LEMD3: variants seen among roughly 807,000 people sequenced by gnomAD.
LEMD3 encodes LEM domain containing 3.
LEMD3 carries 33 observed loss-of-function variants against 95.2 expected under a neutral mutation model. The observed-to-expected ratio is 0.35, with a 90% CI of 0.26 to 0.46. The LOEUF (loss-of-function observed/expected upper bound fraction) is 0.46. LEMD3 is among the 20% of genes least tolerant of loss of function. The probability of loss-of-function intolerance (pLI) is 1.00; values close to 1 mark genes in which losing one functional copy is unlikely to be tolerated. For missense variants in LEMD3, 1,210 were observed against 1,192.8 expected (o/e 1.01, Z -0.21); for synonymous variants, 525 against 474.6 (o/e 1.11, Z -1.38).
In LEMD3 at chr12:65,181,695, A is replaced by G. The variant is rs146204014; in HGVS notation, c.1522+10577A>G. Among the ~76,000 whole-genome samples, 147 of 152,216 alleles carry G rather than the reference A, an allele frequency of 9.7e-4. 1 individual carries two copies. The highest frequency in any genetic ancestry group is 3.3e-3 in the African/African-American group (137 of 41,546). ...CCTTTTCTGTATTACCATTTTCTCA[A>G]TTGGGAATTCTACCTTTAAAAACCA... is the stretch of plus-strand genomic sequence containing the variant. On this transcript the variant is annotated intron_variant, in intron 1 of 12. Transcript: ENST00000308330.
chr12:65,198,305 A>C (rs6581617), intron 1 of LEMD3, among the ~76,000 whole-genome samples: 67,999 of 152,054 alleles, frequency 0.45, 18,241 homozygotes, highest in Middle Eastern at 0.63. Flanking sequence ...CAAGTTAGCT[A>C]TTGCACAGAT....
intron 1 of LEMD3, among the ~76,000 whole-genome samples, chr12:65,191,840 G>A (rs757359418): frequency 6.8e-6 from 1 of 147,440 alleles, no homozygotes; most frequent in Non-Finnish European, 1.5e-5. Flanking sequence ...CAGGAAAATC[G>A]CTCGAACCTG....
rs531792416 is a variant in LEMD3 at position 65,169,759 on chromosome 12, C to G, written c.163C>G (p.Arg55Gly). 95 of 1,588,132 alleles carry G rather than the reference C, an allele frequency of 6.0e-5. No individual in the cohort carries two copies. The East Asian group carries it at 1.7e-3, about 29-fold the overall frequency. Residue 55 changes from arginine to glycine, a missense_variant, in exon 1 of 13, where the codon CGG becomes GGG. Around this residue, in one of 2 missense-constraint regions of LEMD3, gnomAD observed 749 missense variants for 622.9 expected, o/e 1.20. Coordinates refer to ENST00000308330, the MANE Select transcript of LEMD3 (RefSeq NM_014319.5). Reference sequence around the variant, plus strand: ...TCGAGAGGAAGAGCAGCAACAGCACCGGTCAGGGGGCCGCGGCAACAAGAC... The same window carrying G: ...TCGAGAGGAAGAGCAGCAACAGCACGGGTCAGGGGGCCGCGGCAACAAGAC... Reference protein sequence around the residue: ...KLREEEQQQHRSGGRGNKTRN... With the variant: ...KLREEEQQQHGSGGRGNKTRN...
chr12:65,213,686 T>G (rs1011672541), intron 2 of LEMD3, among the ~76,000 whole-genome samples: 1 of 152,206 alleles, frequency 6.6e-6, no homozygotes, highest in East Asian at 1.9e-4. Context: ...TCTAGTCCAA[T>G]GTTTAGTATC....
intron 1 of LEMD3, among the ~76,000 whole-genome samples, chr12:65,192,325 T>C (rs1464177508): frequency 6.6e-6 from 1 of 152,166 alleles, no homozygotes; most frequent in East Asian, 1.9e-4. Context: ...TCACGGTTGC[T>C]TTTCTACATG....
Position 65,202,633 on chromosome 12 carries a change from G to T in LEMD3, c.1523-8293G>T, listed in dbSNP as rs80237930. Among the ~76,000 whole-genome samples the T allele has an allele frequency of 1.1e-3, 163 of 152,248 alleles. 1 individual carries two copies. In the East Asian group the frequency reaches 0.018, roughly 17 times the overall value. On this transcript the variant is annotated intron_variant, in intron 1 of 12. Coordinates refer to ENST00000308330, the MANE Select transcript of LEMD3 (RefSeq NM_014319.5). ...TCTCTCTCCTGAAAGATATTGTAGA[G>T]AATTGGTATAAGTTTTTCTTTAAAT...
chr12:65,220,454 A>AT (rs1329864279), intron 4 of LEMD3, among the ~76,000 whole-genome samples: 1 of 151,926 alleles, frequency 6.6e-6, no homozygotes, highest in African/African-American at 2.4e-5. Context: ...TTTCTTATGC[A>AT]TTTTGCATAT....
chr12:65,179,021 A>AG (rs1326295450), intron 1 of LEMD3, among the ~76,000 whole-genome samples: 2 of 152,082 alleles, frequency 1.3e-5, no homozygotes, highest in Middle Eastern at 3.2e-3. Context: ...ATTAAGGGGG[A>AG]GGGGGCATCT....
rs1871152035 is a variant in LEMD3 at position 65,247,504 on chromosome 12, A to G, written c.*1179A>G. ...ACGATTGACTGTTGCTTTGTGCCTC[A>G]GTATTTAATTTGTTTCAGTAAACTT... is the stretch of plus-strand genomic sequence containing the variant. On this transcript the variant is annotated 3_prime_UTR_variant, in exon 13 of 13. Coordinates refer to ENST00000308330, the MANE Select transcript of LEMD3 (RefSeq NM_014319.5). 1 of 152,266 alleles carries G rather than the reference A, an allele frequency of 6.6e-6. No individual in the cohort carries two copies. Among genetic ancestry groups the G allele is most frequent in the African/African-American group, 2.4e-5 (1 of 41,450 alleles). The allele number at this position is 152,266 out of a possible 1,614,324, so 9.4% of individuals were successfully genotyped here.
chr12:65,174,665 T>G (rs1233065842), intron 1 of LEMD3, among the ~76,000 whole-genome samples: 1 of 152,188 alleles, frequency 6.6e-6, no homozygotes, highest in Non-Finnish European at 1.5e-5. Flanking sequence ...TGTGTATGTG[T>G]GTGTGTACAG....
At chr12:65,192,265 T>C (rs962436909) in intron 1 of LEMD3, among the ~76,000 whole-genome samples, 1 of 152,224 alleles carries the variant, frequency 6.6e-6, no homozygotes, top group South Asian at 2.1e-4. Context: ...CTTTTAAATA[T>C]AAAATTCATT....
intron 1 of LEMD3, among the ~76,000 whole-genome samples, chr12:65,174,982 C>G (rs929016959): frequency 6.6e-6 from 1 of 152,122 alleles, no homozygotes; most frequent in African/African-American, 2.4e-5. Flanking sequence ...AGCCTTTGAT[C>G]AGGAGAAGAG....
At chr12:65,231,879 G>A (rs1454373303) in intron 4 of LEMD3, among the ~76,000 whole-genome samples, 2 of 151,456 alleles carry the variant, frequency 1.3e-5, no homozygotes, top group Non-Finnish European at 2.9e-5. Context: ...TCTTTCCCTT[G>A]AAATTATTGT....
In LEMD3 at chr12:65,169,862, T is replaced by C; in HGVS notation, c.266T>C (p.Met89Thr). ...AGPAAAAAAG[M>T]GVRPVSGDLS... ...CCAGCGGCGGCGGCGGCCGCGGGGA[T>C]GGGGGTCCGGCCGGTCTCGGGCGAC... Residue 89 changes from methionine (M) to threonine (T), a missense_variant, in exon 1 of 13, where the codon ATG (methionine) becomes ACG (threonine). Around this residue, in one of 2 missense-constraint regions of LEMD3, gnomAD observed 749 missense variants for 622.9 expected, o/e 1.20. Coordinates refer to ENST00000308330, the MANE Select transcript of LEMD3 (RefSeq NM_014319.5). The C allele has an allele frequency of 3.4e-6, 5 of 1,454,506 alleles. No individual in the cohort carries two copies. The highest frequency in any genetic ancestry group is 9.1e-7 in the Non-Finnish European group (1 of 1,101,784). 90.1% of individuals were successfully genotyped at this position (1,454,506 alleles called of 1,614,324 possible).
At position 65,170,231 on chromosome 12, in the gene LEMD3, G is replaced by C. The variant is rs1258446317; in HGVS notation, c.635G>C (p.Gly212Ala). 2.0e-6 allele frequency: 3 copies of C among 1,520,118 alleles called. No individual in the cohort carries two copies. Among genetic ancestry groups the C allele is most frequent in the Middle Eastern group, 1.7e-4 (1 of 5,774 alleles). 94.2% of individuals were successfully genotyped at this position (1,520,118 alleles called of 1,614,324 possible). A position where few individuals can be genotyped will look rare whatever the true frequency, so the allele number is the denominator to read the frequency against. The change falls in exon 1 of 13, where the codon GGG (glycine) becomes GCG (alanine). Residue 212 changes from glycine (G) to alanine (A), a missense_variant. Transcript: ENST00000308330. ...PAGPELQTPP[G>A]KDGAVEDEEG... ...GGCCCCGAGCTGCAGACCCCGCCGG[G>C]GAAAGATGGAGCAGTGGAGGACGAG...
chr12:65,218,648 C>T, intron 4 of LEMD3, 29 bp downstream of exon 4: 1 of 1,330,500 alleles, frequency 7.5e-7, no homozygotes, highest in Non-Finnish European at 1.1e-6. Flanking sequence ...ATTTTAATAG[C>T]TATATTTTAA....
chr12:65,170,744 C>G lies in LEMD3; in HGVS notation c.1148C>G (p.Thr383Arg). The change falls in exon 1 of 13, where the codon ACA becomes AGA. Residue 383 changes from threonine (T) to arginine (R), a missense_variant. By Grantham distance (71) the Thr-to-Arg change is moderately conservative. Around this residue, in one of 2 missense-constraint regions of LEMD3, gnomAD observed 749 missense variants for 622.9 expected, o/e 1.20. Transcript: ENST00000308330. ...ATGGACTCAACCTTGGATTCGTCAA[C>G]AGGCTCCCTTCTGAAAACCAATAAT... is the stretch of plus-strand genomic sequence containing the variant. ...TDMDSTLDSS[T>R]GSLLKTNNHI... 6.2e-7 allele frequency: 1 copy of G among 1,614,240 alleles called. No individual in the cohort carries two copies.
In LEMD3 at chr12:65,197,713, A is replaced by G. The variant is rs367998153; in HGVS notation, c.1523-13213A>G. 8.7e-4 allele frequency among the ~76,000 whole-genome samples: 133 copies of G among 152,144 alleles called. 1 individual carries two copies. The South Asian group carries it at 0.026, about 30-fold the overall frequency. Reference sequence around the variant, plus strand: ...AAGTCAATGACGGGAACTTCTTTAAATTCAGTTTATATGTTTGTTCTGGTC... The same window carrying G: ...AAGTCAATGACGGGAACTTCTTTAAGTTCAGTTTATATGTTTGTTCTGGTC... On this transcript the variant is annotated intron_variant, in intron 1 of 12. Transcript: ENST00000308330.
intron 4 of LEMD3, among the ~76,000 whole-genome samples, chr12:65,228,645 C>G (rs1395542535): frequency 6.6e-6 from 1 of 152,172 alleles, no homozygotes; most frequent in Non-Finnish European, 1.5e-5. Context: ...ATCTGCCCGC[C>G]TCAGCCTCCC....
Sources: gnomAD v4.1 joint callset for allele counts (sites outside exome capture counted in the v4.1 genomes callset) on GRCh38, gnomAD v4.1.1 for gene constraint, gnomAD v4.1.1 regional missense constraint, MANE v1.5 for transcripts, NCBI Gene and HGNC (gene_info 2026-07-23, HGNC 2026-07-21) for gene names.